Variants in LRRIQ3 observed in about 807,000 individuals in gnomAD.
The protein encoded by LRRIQ3 is leucine rich repeats and IQ motif containing 3.
A neutral mutation model predicts 59.3 loss-of-function variants in LRRIQ3; 75 were observed. The ratio of observed to expected loss-of-function variants is 1.26; its 90% CI spans 1.05 to 1.53. The LOEUF (loss-of-function observed/expected upper bound fraction) is 1.53, where lower values mean the gene tolerates loss of function less well. LRRIQ3 is among the 40% of genes most tolerant of loss of function. LRRIQ3 has a pLI of 0.00. For missense variants in LRRIQ3, 831 were observed against 710.0 expected (o/e 1.17, Z -1.94); for synonymous variants, 250 against 231.3 (o/e 1.08, Z -0.73).
At chr1:74,115,730 C>CA (rs1646768407) in intron 4 of LRRIQ3, among the ~76,000 whole-genome samples, 1 of 151,994 alleles carries the variant, frequency 6.6e-6, no homozygotes, top group African/African-American at 2.4e-5. Flanking sequence ...GGCTAAAAAA[C>CA]AGGAGAATTT....
chr1:74,051,850 C>T (rs1428885230), intron 6 of LRRIQ3, among the ~76,000 whole-genome samples: 3 of 152,036 alleles, frequency 2.0e-5, no homozygotes, highest in African/African-American at 4.8e-5. Flanking sequence ...AGTTTGCCTT[C>T]GCCACTCCAC....
chr1:74,065,518 T>C (rs2100454914), intron 6 of LRRIQ3, among the ~76,000 whole-genome samples: 1 of 152,276 alleles, frequency 6.6e-6, no homozygotes, highest in African/African-American at 2.4e-5. Flanking sequence ...ATATCAGATA[T>C]TGAAGAGGTA....
intron 1 of LRRIQ3, among the ~76,000 whole-genome samples, chr1:74,189,124 G>C (rs1342094043): frequency 6.6e-6 from 1 of 152,120 alleles, no homozygotes; most frequent in African/African-American, 2.4e-5. Context: ...GGAATGCTGA[G>C]ATGAACCAGT....
At chr1:74,062,491 T>A (rs891787652) in intron 6 of LRRIQ3, among the ~76,000 whole-genome samples, 7 of 152,062 alleles carry the variant, frequency 4.6e-5, no homozygotes, top group Admixed American at 1.3e-4. Flanking sequence ...CAGAAAGCAG[T>A]TTGACAATTT....
At chr1:74,051,610 C>A (rs957470968) in intron 6 of LRRIQ3, among the ~76,000 whole-genome samples, 2 of 152,030 alleles carry the variant, frequency 1.3e-5, no homozygotes, top group Non-Finnish European at 2.9e-5. Context: ...TTCATCACCC[C>A]AAACAGAAAC....
chr1:74,070,201 T>C (rs935406854), intron 6 of LRRIQ3, among the ~76,000 whole-genome samples: 1 of 152,030 alleles, frequency 6.6e-6, no homozygotes, highest in African/African-American at 2.4e-5. Flanking sequence ...AGCACTATTC[T>C]CAATAGCAAA....
intron 4 of LRRIQ3, among the ~76,000 whole-genome samples, chr1:74,128,929 A>G (rs1336574184): frequency 1.3e-5 from 2 of 152,036 alleles, no homozygotes; most frequent in East Asian, 3.9e-4. Flanking sequence ...CAAAGCAAAA[A>G]CGCTTGTTCT....
chr1:74,094,418 T>C (rs142039646), intron 5 of LRRIQ3, among the ~76,000 whole-genome samples: 2 of 152,050 alleles, frequency 1.3e-5, no homozygotes, highest in East Asian at 3.9e-4. Flanking sequence ...AGAGATGAGA[T>C]GACAGAAGCA....
At chr1:74,152,291 T>C (rs890818433) in intron 4 of LRRIQ3, among the ~76,000 whole-genome samples, 3 of 151,788 alleles carry the variant, frequency 2.0e-5, no homozygotes, top group African/African-American at 7.3e-5. Context: ...TAGACTAAAA[T>C]AAGGAATATT....
At chr1:74,102,596 A>G (rs557114627) in intron 5 of LRRIQ3, among the ~76,000 whole-genome samples, 2 of 152,040 alleles carry the variant, frequency 1.3e-5, no homozygotes, top group African/African-American at 2.4e-5. Flanking sequence ...GAACTATGAT[A>G]TGATTCAGCC....
chr1:74,035,504 A>G (rs760028187), intron 7 of LRRIQ3, among the ~76,000 whole-genome samples: 19 of 152,266 alleles, frequency 1.2e-4, no homozygotes, highest in Middle Eastern at 3.4e-3. Flanking sequence ...CAAAGCTCCT[A>G]CTTTACCAAA....
intron 6 of LRRIQ3, among the ~76,000 whole-genome samples, chr1:74,059,353 T>TTTTTTTTTTTTTTTTTTGAGACGG (rs1654633293): frequency 2.0e-5 from 3 of 151,856 alleles, no homozygotes; most frequent in Admixed American, 6.6e-5. Flanking sequence ...TCTTCTCTTT[T>TTTTTTTTTTTTTTTTTTGAGACGG]AAGACATTTA....
intron 7 of LRRIQ3, among the ~76,000 whole-genome samples, chr1:74,030,492 C>G (rs775405938): frequency 2.6e-5 from 4 of 152,032 alleles, no homozygotes; most frequent in Non-Finnish European, 2.9e-5. Flanking sequence ...ACAAACCTGA[C>G]AAAAACAATA....
At chr1:74,098,728 C>T (rs1646486322) in intron 5 of LRRIQ3, among the ~76,000 whole-genome samples, 1 of 152,144 alleles carries the variant, frequency 6.6e-6, no homozygotes, top group African/African-American at 2.4e-5. Flanking sequence ...TGCAATCAAA[C>T]TGGAACTCAG....
intron 6 of LRRIQ3, among the ~76,000 whole-genome samples, chr1:74,055,428 T>C (rs981084604): frequency 2.4e-4 from 37 of 152,096 alleles, no homozygotes; most frequent in African/African-American, 8.7e-4. Flanking sequence ...TTCTGGGCAA[T>C]TCATATACAT....
intron 6 of LRRIQ3, among the ~76,000 whole-genome samples, chr1:74,061,501 G>T (rs1654720333): frequency 6.6e-6 from 1 of 152,014 alleles, no homozygotes; most frequent in African/African-American, 2.4e-5. Flanking sequence ...TAAACAGAAA[G>T]AACAGAGCTG....
intron 3 of LRRIQ3, among the ~76,000 whole-genome samples, chr1:74,175,577 T>C (rs886598054): frequency 1.3e-5 from 2 of 152,142 alleles, no homozygotes; most frequent in Non-Finnish European, 2.9e-5. Context: ...AGTAAAATTG[T>C]TCCTTTTATC....
At chr1:74,118,309 T>G (rs1307050427) in intron 4 of LRRIQ3, among the ~76,000 whole-genome samples, 1 of 152,114 alleles carries the variant, frequency 6.6e-6, no homozygotes, top group Non-Finnish European at 1.5e-5. Flanking sequence ...CCTTGTTTTT[T>G]GCAAAAAAAG....
At chr1:74,061,168 C>T (rs776967416) in intron 6 of LRRIQ3, among the ~76,000 whole-genome samples, 6 of 152,028 alleles carry the variant, frequency 3.9e-5, no homozygotes, top group Non-Finnish European at 7.4e-5. Context: ...ATCAAGAGTC[C>T]AATTCCATTC....
Sources: gnomAD v4.1 joint callset for allele counts (sites outside exome capture counted in the v4.1 genomes callset) on GRCh38, gnomAD v4.1.1 for gene constraint, MANE v1.5 for transcripts, NCBI Gene and HGNC (gene_info 2026-07-23, HGNC 2026-07-21) for gene names.